Variants in MARCHF1 observed in about 807,000 individuals in gnomAD.
The protein encoded by MARCHF1 is membrane associated ring-CH-type finger 1, also known as E3 ubiquitin-protein ligase MARCHF1.
In MARCHF1, 40 loss-of-function variants were observed where a neutral mutation model predicts 54.2. The ratio of observed to expected loss-of-function variants is 0.74; its 90% CI spans 0.57 to 0.96. The LOEUF (loss-of-function observed/expected upper bound fraction) is 0.96. Ranked by LOEUF, MARCHF1 falls within the 40% of genes least tolerant of loss-of-function variation. The pLI is 0.00. For missense variants in MARCHF1, 586 were observed against 656.5 expected, an observed-to-expected ratio of 0.89 and a Z score of 1.17; for synonymous variants, 236 against 236.3, an observed-to-expected ratio of 1.00 and a Z score of 0.01.
intron 4 of MARCHF1, among the ~76,000 whole-genome samples, chr4:163,730,651 T>C (rs969942118): frequency 1.3e-5 from 2 of 152,156 alleles, no homozygotes; most frequent in African/African-American, 4.8e-5. Context: ...ATGTGCCATG[T>C]TGGTGTGCTG....
intron 5 of MARCHF1, among the ~76,000 whole-genome samples, chr4:163,677,698 T>C (rs1743963437): frequency 6.6e-6 from 1 of 152,248 alleles, no homozygotes; most frequent in East Asian, 1.9e-4. Context: ...TACTCATCTT[T>C]GTCAGTCTCT....
intron 3 of MARCHF1, among the ~76,000 whole-genome samples, chr4:163,865,315 A>G (rs567520912): frequency 1.4e-4 from 21 of 152,010 alleles, no homozygotes; most frequent in Admixed American, 6.6e-4. Context: ...TTTGAATATA[A>G]TAAGTTTAGC....
At position 163,802,575 on chromosome 4, in the gene MARCHF1, T is replaced by A. The variant is rs542782900; in HGVS notation, c.111+51446A>T. Among the ~76,000 whole-genome samples the A allele has an allele frequency of 9.8e-5, 15 of 152,318 alleles. No individual in the cohort carries two copies. The East Asian group carries it at 2.5e-3, about 25-fold the overall frequency. Reference sequence around the variant, plus strand: ...GCAGTGTTTTTTACAGGAGGCTTTTTAAGAGGTTTTCTGTATCCGAGAGAA... The same window carrying A: ...GCAGTGTTTTTTACAGGAGGCTTTTAAAGAGGTTTTCTGTATCCGAGAGAA... On this transcript the variant is annotated intron_variant, in intron 4 of 9. Transcript: ENST00000514618.
At chr4:163,616,205 A>C (rs1741503781) in intron 5 of MARCHF1, among the ~76,000 whole-genome samples, 1 of 152,188 alleles carries the variant, frequency 6.6e-6, no homozygotes, top group Admixed American at 6.6e-5. Context: ...AACAAAAAAC[A>C]AAATAGACAA....
chr4:163,838,389 A>C (rs547209136), intron 4 of MARCHF1, among the ~76,000 whole-genome samples: 3 of 152,110 alleles, frequency 2.0e-5, no homozygotes, highest in Non-Finnish European at 2.9e-5. Flanking sequence ...GAGTCTGTAC[A>C]TGTTCAGTAT....
chr4:163,742,050 G>A (rs1579247589), intron 4 of MARCHF1, among the ~76,000 whole-genome samples: 2 of 152,114 alleles, frequency 1.3e-5, no homozygotes, highest in Admixed American at 6.6e-5. Flanking sequence ...TAGTACAGTA[G>A]CATATGCATT....
chr4:163,556,952 T>C (rs78984977), intron 8 of MARCHF1, among the ~76,000 whole-genome samples: 8,649 of 152,140 alleles, frequency 0.057, 299 homozygotes, highest in East Asian at 0.099. Context: ...ATACAAAATA[T>C]TGTGTGCATT....
At chr4:163,874,151 C>T (rs1248029773) in intron 3 of MARCHF1, among the ~76,000 whole-genome samples, 1 of 152,172 alleles carries the variant, frequency 6.6e-6, no homozygotes, top group Admixed American at 6.5e-5. Flanking sequence ...TAGTTACCAA[C>T]CGGGATGATA....
At chr4:164,207,814 T>C (rs554927465) in intron 1 of MARCHF1, among the ~76,000 whole-genome samples, 98 of 152,130 alleles carry the variant, frequency 6.4e-4, no homozygotes, top group Non-Finnish European at 1.2e-3. Context: ...ACTGGGGCCT[T>C]TCGGAGGGTG....
chr4:163,758,928 G>T (rs752180065), intron 4 of MARCHF1, among the ~76,000 whole-genome samples: 2 of 152,092 alleles, frequency 1.3e-5, no homozygotes, highest in Non-Finnish European at 2.9e-5. Context: ...CAAATAAAAG[G>T]TTTTTAAATA....
At chr4:164,374,941 A>T (rs1731145311) in intron 1 of MARCHF1, among the ~76,000 whole-genome samples, 1 of 152,192 alleles carries the variant, frequency 6.6e-6, no homozygotes, top group Admixed American at 6.5e-5. Flanking sequence ...GCTAAATATT[A>T]AAGGGTCATT....
At chr4:164,115,577 T>A (rs1755922951) in intron 1 of MARCHF1, among the ~76,000 whole-genome samples, 2 of 152,050 alleles carry the variant, frequency 1.3e-5, no homozygotes, top group African/African-American at 4.8e-5. Context: ...ACACATCATT[T>A]AAGAAACTAT....
chr4:164,186,691 A>G (rs1730979631), intron 1 of MARCHF1, among the ~76,000 whole-genome samples: 1 of 152,218 alleles, frequency 6.6e-6, no homozygotes, highest in Non-Finnish European at 1.5e-5. Flanking sequence ...CCTCAGGGCA[A>G]TGTTGAGCTA....
At chr4:163,563,172 CA>C (rs1362339811) in intron 8 of MARCHF1, among the ~76,000 whole-genome samples, 2 of 152,182 alleles carry the variant, frequency 1.3e-5, no homozygotes, top group Admixed American at 6.5e-5. Context: ...TATAATCTGA[CA>C]CTTGCTTTCT....
intron 1 of MARCHF1, among the ~76,000 whole-genome samples, chr4:164,122,907 T>C (rs1175164025): frequency 6.6e-6 from 1 of 152,056 alleles, no homozygotes; most frequent in Non-Finnish European, 1.5e-5. Context: ...CCGTTATTCA[T>C]CAAAGTACTG....
intron 1 of MARCHF1, among the ~76,000 whole-genome samples, chr4:164,182,532 C>T (rs1025328823): frequency 6.6e-6 from 1 of 151,780 alleles, no homozygotes; most frequent in African/African-American, 2.4e-5. Flanking sequence ...TCCTTCCATC[C>T]TTCCTTCCTT....
At chr4:163,955,717 G>A (rs549446776) in intron 3 of MARCHF1, among the ~76,000 whole-genome samples, 23 of 152,004 alleles carry the variant, frequency 1.5e-4, no homozygotes, top group Admixed American at 2.6e-4. Flanking sequence ...GAAATTCTTC[G>A]CTTGCAATAG....
In MARCHF1 at chr4:163,924,212, C is replaced by T. The variant is rs550987937; in HGVS notation, c.-39+64289G>A. Reference sequence around the variant, plus strand: ...TGCTGCAAAAGCACAGCATGCTTTGCAATTTCAGAGGAGGAAAAAATTAAG... The same window carrying T: ...TGCTGCAAAAGCACAGCATGCTTTGTAATTTCAGAGGAGGAAAAAATTAAG... On this transcript the variant is annotated intron_variant, in intron 3 of 9. Transcript: ENST00000514618. 3.3e-5 allele frequency among the ~76,000 whole-genome samples: 5 copies of T among 152,094 alleles called. No individual in the cohort carries two copies. The South Asian group carries it at 8.3e-4, about 25-fold the overall frequency.
intron 1 of MARCHF1, among the ~76,000 whole-genome samples, chr4:164,332,598 A>T (rs1233616195): frequency 1.4e-5 from 2 of 146,664 alleles, no homozygotes; most frequent in Non-Finnish European, 3.0e-5. Context: ...GGGTGCAGAA[A>T]AGATCAGTTT....
Sources: gnomAD v4.1 joint callset for allele counts (sites outside exome capture counted in the v4.1 genomes callset) on GRCh38, gnomAD v4.1.1 for gene constraint, MANE v1.5 for transcripts, NCBI Gene and HGNC (gene_info 2026-07-23, HGNC 2026-07-21) for gene names.